OTOR: variants seen among roughly 807,000 people sequenced by gnomAD.
OTOR encodes fibrocyte-derived protein.
Under a neutral mutation model 15.9 loss-of-function variants are expected in OTOR, and 20 were observed. The ratio of observed to expected loss-of-function variants is 1.26; its 90% CI spans 0.89 to 1.83. The LOEUF is 1.83. OTOR is among the 40% of genes most tolerant of loss of function. The pLI, the probability that OTOR is intolerant of heterozygous loss-of-function variation, is 0.00. For missense variants in OTOR, 184 were observed against 159.0 expected (o/e 1.16, Z -0.85); for synonymous variants, 53 against 54.2 (o/e 0.98, Z 0.09).
At chr20:16,750,116 C>A in intron 3 of OTOR, 106 bp downstream of exon 3, 1 of 695,894 alleles carries the variant, frequency 1.4e-6, no homozygotes, top group Non-Finnish European at 2.5e-6. Flanking sequence ...ACAAAGCCTC[C>A]AACTTTCAGT....
chr20:16,749,499 T>C, intron 2 of OTOR: 1 of 177,028 alleles, frequency 5.6e-6, no homozygotes, highest in Non-Finnish European at 1.2e-5. Flanking sequence ...AATGAAGGAT[T>C]AAATTTAAAG....
At chr20:16,749,685 A>G (rs2072515502) in intron 2 of OTOR, 1 of 510,624 alleles carries the variant, frequency 2.0e-6, no homozygotes, top group Non-Finnish European at 3.5e-6. Flanking sequence ...AAGTAGCGAA[A>G]TAAGACTGGG....
At chr20:16,750,937 T>C (rs570556787) in intron 3 of OTOR, among the ~76,000 whole-genome samples, 158 bp from the exon 4 acceptor site, 1 of 152,370 alleles carries the variant, frequency 6.6e-6, no homozygotes, top group South Asian at 2.1e-4. Context: ...AGTTTTTGAC[T>C]TAAAGTGGTA....
chr20:16,748,646 TCTG>T, intron 1 of OTOR, 130 bp downstream of exon 1: 1 of 719,652 alleles, frequency 1.4e-6, no homozygotes, highest in Admixed American at 2.8e-5. Context: ...CTTTGTTTCT[TCTG>T]GTCTGCATGT....
chr20:16,750,085 G>T (rs2072519910), intron 3 of OTOR, 75 bp downstream of exon 3: 1 of 950,456 alleles, frequency 1.1e-6, no homozygotes, highest in Non-Finnish European at 1.7e-6. Context: ...AATGCATCAT[G>T]CAACTTACAA....
rs566477061 is a variant in OTOR, at chr20:16,750,847, G to A, written c.364-248G>A. On this transcript the variant is annotated intron_variant, in intron 3 of 3. Coordinates refer to ENST00000246081, the MANE Select transcript of OTOR (RefSeq NM_020157.4). ...CATCCTACACAAATGGGACTCACTT[G>A]TCATCACTTCTTAGCATTATGCTGA... is the stretch of plus-strand genomic sequence containing the variant. 3.3e-5 allele frequency among the ~76,000 whole-genome samples: 5 copies of A among 152,308 alleles called. No homozygotes were observed. The East Asian group carries it at 9.6e-4, about 29-fold the overall frequency.
rs2072529583 is a variant in OTOR at position 16,751,599 on chromosome 20, A to G, written c.*481A>G. The G allele has an allele frequency of 6.6e-6, 1 of 152,594 alleles. No homozygotes were observed. Among genetic ancestry groups the G allele is most frequent in the African/African-American group, 2.4e-5 (1 of 41,454 alleles). The allele number at this position is 152,594 out of a possible 1,614,324, so 9.5% of individuals were successfully genotyped here. ...GGTCTGTATTATCAAAGAGTATTCT[A>G]GTATTTTTGTTACTTTTAATATTTG... On this transcript the variant is annotated 3_prime_UTR_variant, in exon 4 of 4. Coordinates refer to ENST00000246081, the MANE Select transcript of OTOR (RefSeq NM_020157.4).
At chr20:16,750,806 T>C (rs929972614) in intron 3 of OTOR, among the ~76,000 whole-genome samples, 1 of 152,236 alleles carries the variant, frequency 6.6e-6, no homozygotes, top group African/African-American at 2.4e-5. Context: ...CTAATTGTTG[T>C]GCTTCAAACA....
chr20:16,748,524 C>CT lies in OTOR; in HGVS notation c.115+14dup. On this transcript the variant is annotated intron_variant, in intron 1 of 3. Transcript: ENST00000246081. ...CAGATGATGAGTGTGTCTGTAAGGA[C>CT]TTTTTTATGCTTTTCATTATCTTTC... The CT allele has an allele frequency of 2.8e-6, 4 of 1,430,122 alleles. No individual in the cohort carries two copies. The highest frequency in any genetic ancestry group is 3.9e-6 in the Non-Finnish European group (4 of 1,019,990). The allele number at this position is 1,430,122 out of a possible 1,614,324, so 88.6% of individuals were successfully genotyped here.
chr20:16,751,112 C>T lies in OTOR; in HGVS notation c.381C>T (p.Cys127=), dbSNP rs370100954. Reference sequence around the variant, plus strand: ...TTTTCCAGGATATTGACTTCTTCTGCGAGTAATAAATTAGTTAAAACTGCA... The same window carrying T: ...TTTTCCAGGATATTGACTTCTTCTGTGAGTAATAAATTAGTTAAAACTGCA... ...EVPTTDIDFF[C]E The change falls in exon 4 of 4, where the codon TGC becomes TGT. Residue 127 remains cysteine (C), a synonymous_variant. Coordinates refer to ENST00000246081, the MANE Select transcript of OTOR (RefSeq NM_020157.4). 5.1e-5 allele frequency: 78 copies of T among 1,541,908 alleles called. No individual in the cohort carries two copies. Among genetic ancestry groups the T allele is most frequent in the Middle Eastern group, 3.4e-4 (2 of 5,920 alleles).
At position 16,751,646 on chromosome 20, in the gene OTOR, G is replaced by A. The variant is rs138688856; in HGVS notation, c.*528G>A. On this transcript the variant is annotated 3_prime_UTR_variant, in exon 4 of 4. Transcript: ENST00000246081. ...TTTGATGCCTTTTGGAGGTAAAGCT[G>A]TTGGGGGAAGAAGAGTTTTTGGACC... 85 of 152,318 alleles carry A rather than the reference G, an allele frequency of 5.6e-4. No individual in the cohort carries two copies. In the East Asian group the frequency reaches 0.014, roughly 24 times the overall value. The allele number at this position is 152,318 out of a possible 1,614,324, so 9.4% of individuals were successfully genotyped here.
intron 2 of OTOR, chr20:16,749,304 AG>A: frequency 4.5e-6 from 1 of 222,178 alleles, no homozygotes; most frequent in Non-Finnish European, 8.7e-6. Flanking sequence ...AGATTTGCCA[AG>A]TAGAAGGCAT....
intron 2 of OTOR, 52 bp from the exon 3 acceptor site, chr20:16,749,851 G>C (rs1568759179): frequency 6.4e-6 from 8 of 1,240,430 alleles, no homozygotes; most frequent in Non-Finnish European, 9.5e-6. Flanking sequence ...GAGTTTCTCA[G>C]AAGACACTCA....
chr20:16,749,768 G>GC, intron 2 of OTOR, 135 bp from the exon 3 acceptor site: 1 of 614,768 alleles, frequency 1.6e-6, no homozygotes, highest in Non-Finnish European at 2.9e-6. Context: ...TTGCCGCAGC[G>GC]CCCCCTGGAC....
At chr20:16,749,035 A>G (rs1189974182) in intron 2 of OTOR, 29 bp downstream of exon 2, 5 of 1,534,544 alleles carry the variant, frequency 3.3e-6, no homozygotes, top group South Asian at 1.2e-5. Context: ...CTATTGACGA[A>G]TATTGCTCTT....
intron 2 of OTOR, 151 bp downstream of exon 2, chr20:16,749,157 G>A (rs757617580): frequency 8.7e-6 from 4 of 461,472 alleles, no homozygotes; most frequent in Non-Finnish European, 1.4e-5. Flanking sequence ...ATTTGCTATT[G>A]CATTTTAAAG....
intron 3 of OTOR, 49 bp from the exon 4 acceptor site, chr20:16,751,046 T>C (rs1480278320): frequency 2.1e-6 from 3 of 1,414,042 alleles, no homozygotes; most frequent in African/African-American, 2.9e-5. Context: ...TCTGTTTTTT[T>C]AGCCTAGGCT....
Position 16,749,980 on chromosome 20 carries a change from C to A in OTOR, c.333C>A (p.Tyr111Ter). 6.2e-7 allele frequency: 1 copy of A among 1,612,878 alleles called. No homozygotes were observed. The change falls in exon 3 of 4, where the codon TAC becomes TAA. Residue 111 changes from tyrosine (Y) to a stop codon, truncating the protein, a stop_gained. Transcript: ENST00000246081. LOFTEE classifies it high-confidence loss of function. ...PRNLVKEQRV[Y>*]QEATKEVPTT... ...ACTTGGTCAAGGAACAGCGTGTGTA[C>A]CAGGAAGCTACCAAGGAAGTTCCCA...
chr20:16,751,040 T>G, intron 3 of OTOR, 55 bp from the exon 4 acceptor site: 4 of 1,373,684 alleles, frequency 2.9e-6, no homozygotes, highest in Non-Finnish European at 4.0e-6. Context: ...TCTACATCTG[T>G]TTTTTTAGCC....
Sources: allele counts gnomAD v4.1 joint callset (sites outside exome capture counted in the v4.1 genomes callset), GRCh38; gene constraint gnomAD v4.1.1; transcripts MANE v1.5; gene names NCBI Gene and HGNC (gene_info 2026-07-23, HGNC 2026-07-21).